The following PTPRD variants were observed in gnomAD, a reference collection of about 807,000 sequenced individuals.
The protein encoded by PTPRD is receptor-type tyrosine-protein phosphatase delta.
In PTPRD, 34 loss-of-function variants were observed where a neutral mutation model predicts 214.5. The observed-to-expected ratio is 0.16, with a 90% confidence interval of 0.12 to 0.21. The LOEUF (loss-of-function observed/expected upper bound fraction) is 0.21, where lower values mean the gene tolerates loss of function less well. Ranked by LOEUF, PTPRD falls within the 10% of genes least tolerant of loss-of-function variation. The pLI, the probability that PTPRD is intolerant of heterozygous loss-of-function variation, is 1.00. For missense variants in PTPRD, 2,545 were observed against 2,398.7 expected, an observed-to-expected ratio of 1.06 and a Z score of -1.27; for synonymous variants, 1,128 against 845.7, an observed-to-expected ratio of 1.33 and a Z score of -5.79.
rs142162025 is a variant in PTPRD, at chr9:10,507,800, A to G, written c.-600+104598T>C. ...TTATGCCTTGTGCAAAAATTAATTC[A>G]AGGTGGATTAAAGACTTAAATGTTA... On this transcript the variant is annotated intron_variant, in intron 2 of 45. Coordinates refer to ENST00000381196, the MANE Select transcript of PTPRD (RefSeq NM_002839.4). Among the ~76,000 whole-genome samples, 1,183 of 152,310 alleles carry G rather than the reference A, an allele frequency of 7.8e-3. 21 individuals are homozygous for G. Among genetic ancestry groups the G allele is most frequent in the African/African-American group, 0.027 (1,132 of 41,574 alleles).
chr9:10,103,401 A>ATATATATAT (rs1321996717), intron 3 of PTPRD, among the ~76,000 whole-genome samples: 5 of 144,744 alleles, frequency 3.5e-5, no homozygotes, highest in Admixed American at 7.0e-5. Context: ...ATATTTATTT[A>ATATATATAT]AGAGCATTGC....
At chr9:10,272,627 G>C (rs1241458813) in intron 3 of PTPRD, among the ~76,000 whole-genome samples, 1 of 152,104 alleles carries the variant, frequency 6.6e-6, no homozygotes, top group Non-Finnish European at 1.5e-5. Flanking sequence ...TGTGAAATTT[G>C]TAAAACATAA....
At chr9:10,259,119 T>G (rs375204763) in intron 3 of PTPRD, among the ~76,000 whole-genome samples, 1 of 152,012 alleles carries the variant, frequency 6.6e-6, no homozygotes, top group East Asian at 1.9e-4. Flanking sequence ...ACCTCCCGGG[T>G]TCACACTATT....
intron 9 of PTPRD, among the ~76,000 whole-genome samples, chr9:9,225,206 C>A (rs1163230900): frequency 6.6e-6 from 1 of 151,890 alleles, no homozygotes; most frequent in Non-Finnish European, 1.5e-5. Context: ...AGAATCATTG[C>A]AAATGGTTTC....
chr9:9,393,938 A>T (rs1394763418), intron 9 of PTPRD, among the ~76,000 whole-genome samples: 2 of 152,162 alleles, frequency 1.3e-5, no homozygotes, highest in African/African-American at 2.4e-5. Context: ...ACTCCGCAAC[A>T]TTGCCACCAA....
chr9:10,403,175 C>G (rs949657838), intron 2 of PTPRD, among the ~76,000 whole-genome samples: 2 of 137,008 alleles, frequency 1.5e-5, no homozygotes, highest in African/African-American at 5.3e-5. Flanking sequence ...TGGCCTTAAG[C>G]ACTTTGTTTT....
intron 11 of PTPRD, among the ~76,000 whole-genome samples, chr9:8,982,288 G>C (rs2099316728): frequency 6.6e-6 from 1 of 151,896 alleles, no homozygotes; most frequent in Non-Finnish European, 1.5e-5. Context: ...TATGCTCTGG[G>C]TTTGTTCCAA....
At chr9:9,333,808 A>C (rs956913841) in intron 9 of PTPRD, among the ~76,000 whole-genome samples, 3 of 151,918 alleles carry the variant, frequency 2.0e-5, no homozygotes, top group African/African-American at 4.8e-5. Flanking sequence ...GTGGTTGGAA[A>C]ATAATTCCTC....
intron 7 of PTPRD, among the ~76,000 whole-genome samples, chr9:9,730,070 G>T: frequency 6.6e-6 from 1 of 152,072 alleles, no homozygotes; most frequent in Non-Finnish European, 1.5e-5. Flanking sequence ...AATTTTTGAG[G>T]GGAGAGTATC....
intron 22 of PTPRD, 143 bp from the exon 23 acceptor site, chr9:8,504,548 A>C (rs1385254653): frequency 4.6e-6 from 4 of 878,898 alleles, no homozygotes; most frequent in Non-Finnish European, 6.9e-6. Context: ...GTGAGTATCC[A>C]GGGCTATACT....
At chr9:10,516,508 C>G (rs1238905195) in intron 2 of PTPRD, among the ~76,000 whole-genome samples, 1 of 151,906 alleles carries the variant, frequency 6.6e-6, no homozygotes, top group African/African-American at 2.4e-5. Context: ...AATATTTTCT[C>G]CAACTCCTTA....
At chr9:9,856,781 T>A (rs1019123262) in intron 5 of PTPRD, among the ~76,000 whole-genome samples, 2 of 152,134 alleles carry the variant, frequency 1.3e-5, no homozygotes, top group African/African-American at 4.8e-5. Flanking sequence ...CCTTCTTTCT[T>A]GAATGGATGC....
intron 44 of PTPRD, among the ~76,000 whole-genome samples, chr9:8,325,158 C>T (rs1291388022): frequency 1.3e-5 from 2 of 149,736 alleles, no homozygotes; most frequent in East Asian, 3.9e-4. Context: ...TGTTTTAGTC[C>T]TGAAGTCTTT....
chr9:8,453,949 T>C (rs2096071242), intron 33 of PTPRD, among the ~76,000 whole-genome samples: 1 of 152,208 alleles, frequency 6.6e-6, no homozygotes. Context: ...TTTATATATA[T>C]GTTACATGTG....
At chr9:9,260,373 A>G (rs1049678733) in intron 9 of PTPRD, among the ~76,000 whole-genome samples, 2 of 151,914 alleles carry the variant, frequency 1.3e-5, no homozygotes, top group Non-Finnish European at 2.9e-5. Flanking sequence ...AACCGAAATC[A>G]CGTTTATTAA....
At chr9:9,764,437 A>G (rs1372242464) in intron 6 of PTPRD, among the ~76,000 whole-genome samples, 1 of 152,202 alleles carries the variant, frequency 6.6e-6, no homozygotes, top group Non-Finnish European at 1.5e-5. Flanking sequence ...CCCACTTCAA[A>G]GAAAAGAGTG....
chr9:9,025,168 A>C (rs908579270), intron 10 of PTPRD, among the ~76,000 whole-genome samples: 9 of 151,842 alleles, frequency 5.9e-5, no homozygotes, highest in African/African-American at 7.3e-5. Flanking sequence ...TTATTATTTT[A>C]TGACTTTATT....
At chr9:9,523,887 C>T (rs1273006978) in intron 8 of PTPRD, among the ~76,000 whole-genome samples, 1 of 152,086 alleles carries the variant, frequency 6.6e-6, no homozygotes, top group Non-Finnish European at 1.5e-5. Flanking sequence ...TTTTGTAATA[C>T]TCCTCCCCAA....
intron 19 of PTPRD, among the ~76,000 whole-genome samples, chr9:8,522,885 C>T (rs2097918913): frequency 1.3e-5 from 2 of 151,934 alleles, no homozygotes; most frequent in Non-Finnish European, 2.9e-5. Flanking sequence ...CCTCATAACC[C>T]CAAGAAGAAG....
Sources: gnomAD v4.1 joint callset for allele counts (sites outside exome capture counted in the v4.1 genomes callset) on GRCh38, gnomAD v4.1.1 for gene constraint, MANE v1.5 for transcripts, NCBI Gene and HGNC (gene_info 2026-07-23, HGNC 2026-07-21) for gene names.